Variants in MAP3K19 observed in about 807,000 individuals in gnomAD.
The protein encoded by MAP3K19 is mitogen-activated protein kinase kinase kinase 19, also known as SPS1/STE20-related protein kinase YSK4.
MAP3K19 carries 91 observed loss-of-function variants against 114.4 expected under a neutral mutation model. The ratio of observed to expected loss-of-function variants is 0.80; its 90% CI spans 0.67 to 0.95. MAP3K19 has a LOEUF of 0.95. Among genes scored for constraint, MAP3K19 ranks in the 40% least tolerant of loss-of-function variants. MAP3K19 has a pLI of 0.00. For missense variants in MAP3K19, 1,471 were observed against 1,573.2 expected, an observed-to-expected ratio of 0.94 and a Z score of 1.10; for synonymous variants, 518 against 530.5, an observed-to-expected ratio of 0.98 and a Z score of 0.32.
intron 2 of MAP3K19, among the ~76,000 whole-genome samples, chr2:135,036,034 A>G (rs1319157240): frequency 1.3e-5 from 2 of 151,814 alleles, no homozygotes; most frequent in Non-Finnish European, 1.5e-5. Context: ...GGGTTTCTCC[A>G]TGTTGGTCAG....
Position 134,999,024 on chromosome 2 carries a change from T to TAA in MAP3K19, c.315-29_315-28dup, listed in dbSNP as rs1372055149. On this transcript the variant is annotated intron_variant, in intron 7 of 12. Coordinates refer to ENST00000392915, the MANE Select transcript of MAP3K19 (RefSeq NM_025052.5). The surrounding 1 kb of genome is among the most constrained non-coding windows in gnomAD (Gnocchi z 4.1). ...TAAAGGGGGAGGGAAATGTTTGATT[T>TAA]AAAACTCAGTTGCCACATCTTCTGG... is the stretch of plus-strand genomic sequence containing the variant. 11 of 1,596,584 alleles carry TAA rather than the reference T, an allele frequency of 6.9e-6. 1 individual carries two copies. The Middle Eastern group carries it at 5.0e-4, about 73-fold the overall frequency.
Position 134,966,130 on chromosome 2 carries a change from T to C in MAP3K19, c.3921-1214A>G, listed in dbSNP as rs74957643. On this transcript the variant is annotated intron_variant, in intron 12 of 12. Transcript: ENST00000392915. ...TAAGTTTTCTTTATCTATTCATCTG[T>C]TGAGGGACACTTAGGTGGATCCATA... Among the ~76,000 whole-genome samples the C allele has an allele frequency of 0.019, 2,840 of 152,334 alleles. 194 individuals carry two copies. The East Asian group carries it at 0.27, about 14-fold the overall frequency.
chr2:134,967,865 T>TA (rs1456942781), intron 12 of MAP3K19, among the ~76,000 whole-genome samples: 2 of 152,106 alleles, frequency 1.3e-5, no homozygotes, highest in East Asian at 3.9e-4. Context: ...TTCTTTTTTT[T>TA]TTTTTTATTT....
At chr2:134,981,893 T>TG (rs1684688128) in intron 11 of MAP3K19, among the ~76,000 whole-genome samples, 2 of 148,882 alleles carry the variant, frequency 1.3e-5, no homozygotes, top group African/African-American at 5.0e-5. Flanking sequence ...TTTTTTTTTT[T>TG]TTTTTTTGTT....
intron 12 of MAP3K19, among the ~76,000 whole-genome samples, chr2:134,974,348 C>A (rs1684084687): frequency 6.6e-6 from 1 of 152,148 alleles, no homozygotes; most frequent in Admixed American, 6.5e-5. Flanking sequence ...TGTAAGATTT[C>A]TGCTGATAAA....
chr2:135,045,719 A>C (rs1363133439), intron 1 of MAP3K19, among the ~76,000 whole-genome samples: 1 of 152,210 alleles, frequency 6.6e-6, no homozygotes, highest in Non-Finnish European at 1.5e-5. Context: ...AAAATAAAAC[A>C]AAAAAATTTA....
At chr2:135,021,395 A>C (rs1687960699) in intron 5 of MAP3K19, among the ~76,000 whole-genome samples, 1 of 152,022 alleles carries the variant, frequency 6.6e-6, no homozygotes, top group South Asian at 2.1e-4. Context: ...GGACTGTAAG[A>C]AATAAATTTC....
chr2:135,017,917 A>G (rs921311093), intron 5 of MAP3K19, among the ~76,000 whole-genome samples: 2 of 152,238 alleles, frequency 1.3e-5, no homozygotes, highest in African/African-American at 4.8e-5. Flanking sequence ...AAAAATGACA[A>G]AACGGTACCA....
In MAP3K19 at chr2:134,981,428, A is replaced by C. The variant is rs1684651512; in HGVS notation, c.3313T>G (p.Tyr1105Asp). 6.2e-7 allele frequency: 1 copy of C among 1,614,122 alleles called. No individual in the cohort carries two copies. Among genetic ancestry groups the C allele is most frequent in the Non-Finnish European group, 8.5e-7 (1 of 1,180,050 alleles). The stretch of plus-strand genomic sequence containing the variant: ...TCTACTTCTTCCTGTAGTTTCCGGT[A>C]TTCCTTTTCAGCAGCTAATTTATTA... ...TSNKLAAEKE[Y>D]RKLQEEVDLL... is the part of the protein sequence containing the mutation. The change falls in exon 12 of 13, where the codon TAC (tyrosine) becomes GAC (aspartate). Residue 1105 changes from tyrosine (Y) to aspartate (D), a missense_variant. Transcript: ENST00000392915.
At chr2:135,039,814 T>C (rs894407955) in intron 2 of MAP3K19, among the ~76,000 whole-genome samples, 1 of 152,196 alleles carries the variant, frequency 6.6e-6, no homozygotes, top group Non-Finnish European at 1.5e-5. Flanking sequence ...ATGATATAAC[T>C]GATGAATAAG....
At chr2:134,973,226 G>C (rs1180028516) in intron 12 of MAP3K19, among the ~76,000 whole-genome samples, 1 of 152,180 alleles carries the variant, frequency 6.6e-6, no homozygotes, top group African/African-American at 2.4e-5. Flanking sequence ...AGAGTGGGGT[G>C]TTAAAGTCCC....
At chr2:135,044,652 A>G (rs1198306344) in intron 1 of MAP3K19, among the ~76,000 whole-genome samples, 1 of 152,200 alleles carries the variant, frequency 6.6e-6, no homozygotes, top group African/African-American at 2.4e-5. Context: ...CATTTGCAGA[A>G]TAGTCTTATT....
intron 6 of MAP3K19, among the ~76,000 whole-genome samples, chr2:135,001,924 G>A (rs1377706712): frequency 1.3e-5 from 2 of 152,210 alleles, no homozygotes; most frequent in African/African-American, 2.4e-5. Context: ...AGAGCTAATG[G>A]CCACCGTCCT....
chr2:135,008,035 C>A (rs1179821366), intron 5 of MAP3K19, among the ~76,000 whole-genome samples: 4 of 151,970 alleles, frequency 2.6e-5, no homozygotes, highest in Admixed American at 2.0e-4. Context: ...AGTGTAAATT[C>A]ATAAGCAATT....
At chr2:135,031,649 T>C (rs1316815756) in intron 2 of MAP3K19, among the ~76,000 whole-genome samples, 1 of 152,084 alleles carries the variant, frequency 6.6e-6, no homozygotes, top group African/African-American at 2.4e-5. Context: ...AATAGATTGA[T>C]GTGGGGAAGA....
At chr2:134,969,584 A>G (rs566979268) in intron 12 of MAP3K19, among the ~76,000 whole-genome samples, 177 of 152,222 alleles carry the variant, frequency 1.2e-3, no homozygotes, top group African/African-American at 4.0e-3. Context: ...CATTTTGCAA[A>G]TATTTTCTCC....
Position 134,999,632 on chromosome 2 carries a change from C to G in MAP3K19, c.314+305G>C, listed in dbSNP as rs370439185. ...GCAGTAGGGTCAGCAAACTACAGCC[C>G]GGGGACCAAATCCAGCCTTCAGCCT... On this transcript the variant is annotated intron_variant, in intron 7 of 12. Transcript: ENST00000392915. This position sits in a 1 kb window ranked among gnomAD's most constrained non-coding sequence, Gnocchi z 4.1. Among the ~76,000 whole-genome samples, 13 of 152,132 alleles carry G rather than the reference C, an allele frequency of 8.5e-5. No individual in the cohort carries two copies. The highest frequency in any genetic ancestry group is 1.6e-4 in the Non-Finnish European group (11 of 68,022).
intron 12 of MAP3K19, among the ~76,000 whole-genome samples, chr2:134,979,993 G>C (rs1684520018): frequency 6.6e-6 from 1 of 152,128 alleles, no homozygotes; most frequent in African/African-American, 2.4e-5. Context: ...TTTCATCTAG[G>C]GATAAGAAGG....
intron 12 of MAP3K19, among the ~76,000 whole-genome samples, chr2:134,968,142 C>T (rs572341314): frequency 1.8e-3 from 273 of 152,240 alleles, no homozygotes; most frequent in Admixed American, 3.7e-3. Flanking sequence ...CCTGAGTGGA[C>T]ACAGCACATG....
Sources: allele counts gnomAD v4.1 joint callset (sites outside exome capture counted in the v4.1 genomes callset), GRCh38; gene constraint gnomAD v4.1.1; non-coding constraint Gnocchi (gnomAD v3.1); transcripts MANE v1.5; gene names NCBI Gene and HGNC (gene_info 2026-07-23, HGNC 2026-07-21).